NPHP4: variants seen among roughly 807,000 people sequenced by gnomAD.
NPHP4 encodes nephrocystin-4.
A neutral mutation model predicts 155.8 loss-of-function variants in NPHP4; 151 were observed. The observed-to-expected ratio is 0.97, with a 90% CI of 0.85 to 1.11. The LOEUF (loss-of-function observed/expected upper bound fraction) is 1.11, where lower values mean the gene tolerates loss of function less well. Ranked by LOEUF, NPHP4 falls within the 50% of genes least tolerant of loss-of-function variation. The pLI, the probability that NPHP4 is intolerant of heterozygous loss-of-function variation, is 0.00. For synonymous variants in NPHP4, 845 were observed against 816.8 expected, an observed-to-expected ratio of 1.03 and a Z score of -0.59; for missense variants, 1,956 against 1,925.7, an observed-to-expected ratio of 1.02 and a Z score of -0.29.
At position 5,944,692 on chromosome 1, in the gene NPHP4, G is replaced by A. The variant is rs189686629; in HGVS notation, c.1119+2412C>T. Among the ~76,000 whole-genome samples, 109 of 152,322 alleles carry A rather than the reference G, an allele frequency of 7.2e-4. No homozygotes were observed. Among genetic ancestry groups the A allele is most frequent in the Non-Finnish European group, 1.2e-3 (82 of 68,036 alleles). On this transcript the variant is annotated intron_variant, in intron 9 of 29. Transcript: ENST00000378156. The surrounding 1 kb of genome is among the most constrained non-coding windows in gnomAD (Gnocchi z 4.3). ...CATCGGAAAGTACCAATGACTGGCC[G>A]GGCGCGGTGGTTCACGTCTGGAACC...
intron 29 of NPHP4, 90 bp downstream of exon 29, chr1:5,863,800 T>A: frequency 7.1e-7 from 1 of 1,410,122 alleles, no homozygotes; most frequent in Non-Finnish European, 1.0e-6. Context: ...GCTGGTGATT[T>A]GAGGAACTCG....
rs1175111206 is a variant in NPHP4, at chr1:5,863,961, G to T, written c.4069C>A (p.Pro1357Thr). ...TGCAGGTGGAATGTCCTCCGGGAGG[G>T]GTAGGGGTTGGTGTAGGTGATCCTC... ...NKRITYTNPY[P>T]SRRTFHLHSD... is the part of the protein sequence containing the mutation. Residue 1357 changes from proline (P) to threonine (T), a missense_variant, in exon 29 of 30, where the codon CCC becomes ACC. By Grantham distance (38) the Pro-to-Thr change is conservative. Coordinates refer to ENST00000378156, the MANE Select transcript of NPHP4 (RefSeq NM_015102.5). 6.2e-7 allele frequency: 1 copy of T among 1,613,780 alleles called. No individual in the cohort carries two copies. The highest frequency in any genetic ancestry group is 1.7e-5 in the Admixed American group (1 of 60,018).
chr1:5,949,203 A>G (rs1570590714), intron 7 of NPHP4, among the ~76,000 whole-genome samples: 2 of 152,228 alleles, frequency 1.3e-5, no homozygotes, highest in South Asian at 4.2e-4. Flanking sequence ...AAACAAGAAA[A>G]CAGCAGGAAC....
intron 3 of NPHP4, among the ~76,000 whole-genome samples, chr1:5,971,430 T>C (rs1345925031): frequency 6.6e-6 from 1 of 152,218 alleles, no homozygotes. Flanking sequence ...TATGTTCTTT[T>C]CCAAAAATCA....
intron 23 of NPHP4, among the ~76,000 whole-genome samples, chr1:5,870,943 TTGTGAA>T (rs1446128857): frequency 6.6e-6 from 1 of 152,154 alleles, no homozygotes; most frequent in African/African-American, 2.4e-5. Context: ...GCTGGGACAT[TTGTGAA>T]TGTGAATGGG....
At chr1:5,871,298 C>G (rs1268750597) in intron 23 of NPHP4, among the ~76,000 whole-genome samples, 1 of 152,094 alleles carries the variant, frequency 6.6e-6, no homozygotes, top group African/African-American at 2.4e-5. Flanking sequence ...ATGGCGGTGG[C>G]CTGAGAGAGG....
intron 16 of NPHP4, among the ~76,000 whole-genome samples, chr1:5,898,334 G>GC (rs1021356938): frequency 5.9e-5 from 9 of 152,198 alleles, no homozygotes; most frequent in Admixed American, 5.2e-4. Flanking sequence ...CCTCGGCAGA[G>GC]CCCCCCAAAA....
intron 16 of NPHP4, 151 bp downstream of exon 16, chr1:5,904,466 G>A (rs889863403): frequency 2.8e-5 from 15 of 527,764 alleles, no homozygotes; most frequent in African/African-American, 2.1e-4. Context: ...GAGCTGCTGG[G>A]GCTAAGTGTT....
intron 9 of NPHP4, among the ~76,000 whole-genome samples, chr1:5,939,422 G>C (rs1646710288): frequency 6.6e-6 from 1 of 152,002 alleles, no homozygotes; most frequent in Non-Finnish European, 1.5e-5. Flanking sequence ...CCGCCCTCTG[G>C]AGCAAGTCTG....
chr1:5,895,789 C>G (rs1361315355), intron 16 of NPHP4, among the ~76,000 whole-genome samples: 1 of 152,216 alleles, frequency 6.6e-6, no homozygotes, highest in Non-Finnish European at 1.5e-5. Context: ...ACACAAACGT[C>G]TATTAGGAGA....
intron 16 of NPHP4, among the ~76,000 whole-genome samples, chr1:5,903,112 T>C (rs898423607): frequency 6.6e-6 from 1 of 152,224 alleles, no homozygotes; most frequent in Non-Finnish European, 1.5e-5. Context: ...TCAGATCACC[T>C]TTTTAAACTG....
At chr1:5,942,625 T>C (rs1570556482) in intron 9 of NPHP4, among the ~76,000 whole-genome samples, 1 of 116,460 alleles carries the variant, frequency 8.6e-6, no homozygotes, top group African/African-American at 3.3e-5. Context: ...TGTTCCAGAA[T>C]TAAGGAGGTC....
Position 5,863,697 on chromosome 1 carries a change from G to A in NPHP4, c.4140+193C>T, listed in dbSNP as rs1640876016. 12 of 652,118 alleles carry A rather than the reference G, an allele frequency of 1.8e-5. No individual in the cohort carries two copies. In the South Asian group the frequency reaches 2.2e-4, roughly 12 times the overall value. The allele number at this position is 652,118 out of a possible 1,614,324, so 40.4% of individuals were successfully genotyped here. On this transcript the variant is annotated intron_variant, in intron 29 of 29. Transcript: ENST00000378156. ...ACAACACCCTTTCCCACACTCAGGA[G>A]AAACTTTGCTAAATCTCCAGCTACT...
Position 5,879,831 on chromosome 1 carries a change from GCAAACACACACAGACACGCA to G in NPHP4, c.2611+263_2611+282del, listed in dbSNP as rs1557634833. Among the ~76,000 whole-genome samples the G allele has an allele frequency of 4.8e-4, 42 of 87,714 alleles. 1 individual carries two copies. Among genetic ancestry groups the G allele is most frequent in the African/African-American group, 1.6e-3 (36 of 21,994 alleles). The allele number at this position is 87,714 out of a possible 152,430, so 57.5% of individuals were successfully genotyped here. A position where few individuals can be genotyped will look rare whatever the true frequency, so the allele number is the denominator to read the frequency against. ...CACACACGCAAACACACACACACAC[GCAAACACACACAGACACGCA>G]CACAGACACGCACACACACATGCAC... On this transcript the variant is annotated intron_variant, in intron 19 of 29. Transcript: ENST00000378156.
At chr1:5,963,707 T>G (rs1207739462) in intron 5 of NPHP4, among the ~76,000 whole-genome samples, 2 of 126,480 alleles carry the variant, frequency 1.6e-5, no homozygotes, top group African/African-American at 5.7e-5. Flanking sequence ...TTTTTTTTTT[T>G]GAGACAGAAT....
intron 17 of NPHP4, chr1:5,888,443 G>A: frequency 8.9e-7 from 1 of 1,127,892 alleles, no homozygotes; most frequent in Non-Finnish European, 1.1e-6. Context: ...CCTGTCTCTG[G>A]GAGTGAGACG....
Position 5,927,047 on chromosome 1 carries a change from TA to T in NPHP4, c.1441+601del, listed in dbSNP as rs550825762. 3.2e-3 allele frequency among the ~76,000 whole-genome samples: 483 copies of T among 152,316 alleles called. 1 individual carries two copies. Among genetic ancestry groups the T allele is most frequent in the Non-Finnish European group, 4.4e-3 (298 of 68,028 alleles). On this transcript the variant is annotated intron_variant, in intron 11 of 29. Coordinates refer to ENST00000378156, the MANE Select transcript of NPHP4 (RefSeq NM_015102.5). ...GGAATTCTCAACCAGGACATGGGTC[TA>T]AACCAAGAGGCTCTGAGCACAGGGT...
chr1:5,942,967 C>T (rs1324198055), intron 9 of NPHP4, among the ~76,000 whole-genome samples: 1 of 152,188 alleles, frequency 6.6e-6, no homozygotes, highest in Non-Finnish European at 1.5e-5. Context: ...TGTTGCATTT[C>T]ATGCTCATGT....
At position 5,863,131 on chromosome 1, in the gene NPHP4, G is replaced by T; in HGVS notation, c.*134C>A. On this transcript the variant is annotated 3_prime_UTR_variant, in exon 30 of 30. Coordinates refer to ENST00000378156, the MANE Select transcript of NPHP4 (RefSeq NM_015102.5). Reference sequence around the variant, plus strand: ...CCAGCGCTCGGTCTCTGCTTCCTCAGCCAAGTGCACAGGTCAGCCAGGTGG... The same window carrying T: ...CCAGCGCTCGGTCTCTGCTTCCTCATCCAAGTGCACAGGTCAGCCAGGTGG... 1.1e-6 allele frequency: 1 copy of T among 925,276 alleles called. No homozygotes were observed. The highest frequency in any genetic ancestry group is 1.7e-6 in the Non-Finnish European group (1 of 573,628). The allele number at this position is 925,276 out of a possible 1,614,324, so 57.3% of individuals were successfully genotyped here.
Sources: allele counts gnomAD v4.1 joint callset (sites outside exome capture counted in the v4.1 genomes callset), GRCh38; gene constraint gnomAD v4.1.1; non-coding constraint Gnocchi (gnomAD v3.1); transcripts MANE v1.5; gene names NCBI Gene and HGNC (gene_info 2026-07-23, HGNC 2026-07-21).